Variants in RAD17 observed in about 807,000 individuals in gnomAD.
The protein encoded by RAD17 is RAD17 checkpoint clamp loader component.
RAD17 carries 31 observed loss-of-function variants against 81.5 expected under a neutral mutation model. The observed-to-expected ratio is 0.38, with a 90% CI of 0.29 to 0.51. RAD17 has a LOEUF of 0.51. Among genes scored for constraint, RAD17 ranks in the 20% least tolerant of loss-of-function variants. The pLI is 0.88. For missense variants in RAD17, 681 were observed against 781.2 expected (o/e 0.87, Z 1.53); for synonymous variants, 261 against 266.2 (o/e 0.98, Z 0.19).
intron 4 of RAD17, among the ~76,000 whole-genome samples, 180 bp downstream of exon 4, chr5:69,372,397 A>G (rs1009934095): frequency 2.6e-5 from 4 of 152,190 alleles, no homozygotes; most frequent in Non-Finnish European, 4.4e-5. Context: ...ATTTTCTTCA[A>G]GAGAGGAACA....
intron 17 of RAD17, 24 bp downstream of exon 17, chr5:69,400,193 C>CT: frequency 1.4e-6 from 2 of 1,385,636 alleles, no homozygotes; most frequent in Non-Finnish European, 1.9e-6. Context: ...TTTTTCTTTT[C>CT]TTTTAAGAAG....
intron 16 of RAD17, among the ~76,000 whole-genome samples, chr5:69,397,051 C>G (rs1402375243): frequency 2.6e-5 from 4 of 152,096 alleles, no homozygotes; most frequent in African/African-American, 4.8e-5. Flanking sequence ...CCAGGTTGGT[C>G]TCGATCTTTG....
At chr5:69,389,190 A>G in intron 12 of RAD17, 45 bp downstream of exon 12, 1 of 1,174,666 alleles carries the variant, frequency 8.5e-7, no homozygotes, top group Non-Finnish European at 1.2e-6. Context: ...TAGGTGACTG[A>G]CTTTCTCTTA....
At chr5:69,411,856 T>C (rs1311847411) in intron 18 of RAD17, among the ~76,000 whole-genome samples, 1 of 152,228 alleles carries the variant, frequency 6.6e-6, no homozygotes, top group Non-Finnish European at 1.5e-5. Context: ...CTGAGATGTA[T>C]TGAGTTGCTG....
At position 69,400,166 on chromosome 5, in the gene RAD17, CA is replaced by C; in HGVS notation, c.1692del (p.Ala565LeufsTer14). On this transcript the variant is annotated frameshift_variant and splice_region_variant, in exon 17 of 19. Transcript: ENST00000354868. LOFTEE classifies it high-confidence loss of function. ...TCTACTAACCATTCCAATGAGAAATCAAGGTAATAACATAGGTTTTTCTTTT... is the reference window on the plus strand; with the variant it reads ...TCTACTAACCATTCCAATGAGAAATCAGGTAATAACATAGGTTTTTCTTTT... ...LALLTIPMRNQAQISFIQDIG... is the reference protein window; with the variant it reads ...LALLTIPMRNXAQISFIQDIG... 1 of 1,529,248 alleles carries C rather than the reference CA, an allele frequency of 6.5e-7. No homozygotes were observed. Among genetic ancestry groups the C allele is most frequent in the African/African-American group, 1.4e-5 (1 of 72,388 alleles). 94.7% of individuals were successfully genotyped at this position (1,529,248 alleles called of 1,614,324 possible).
intron 6 of RAD17, among the ~76,000 whole-genome samples, chr5:69,378,905 A>G (rs1763676061): frequency 6.6e-6 from 1 of 152,186 alleles, no homozygotes; most frequent in Non-Finnish European, 1.5e-5. Flanking sequence ...CACAGTGGGA[A>G]CTATATGTGT....
intron 11 of RAD17, among the ~76,000 whole-genome samples, chr5:69,387,241 C>T (rs191662877): frequency 1.2e-4 from 18 of 152,024 alleles, no homozygotes; most frequent in East Asian, 5.8e-4. Context: ...ACTTTTAGTA[C>T]GTCATTTTTT....
chr5:69,392,910 T>C, intron 13 of RAD17: 1 of 491,132 alleles, frequency 2.0e-6, no homozygotes, highest in Non-Finnish European at 3.7e-6. Context: ...GGGAGTGCAT[T>C]AGGAAATGGA....
chr5:69,372,576 A>G (rs1763072812), intron 4 of RAD17, among the ~76,000 whole-genome samples: 1 of 151,962 alleles, frequency 6.6e-6, no homozygotes, highest in African/African-American at 2.4e-5. Flanking sequence ...CTAATTTCTA[A>G]TTATTTGTAA....
At chr5:69,369,685 A>G (rs1212313091), upstream of RAD17, 13 of 1,554,014 alleles carry the variant, frequency 8.4e-6, no homozygotes, top group East Asian at 7.3e-5. Context: ...TTTCCGTCGC[A>G]AAGTTGGAGG....
chr5:69,381,022 G>T (rs1366113440), intron 6 of RAD17, among the ~76,000 whole-genome samples: 1 of 151,880 alleles, frequency 6.6e-6, no homozygotes, highest in Non-Finnish European at 1.5e-5. Flanking sequence ...GTCTGCCTCA[G>T]CCTCCCAAAA....
chr5:69,369,421 C>A, upstream of RAD17: 1 of 1,602,376 alleles, frequency 6.2e-7, no homozygotes, highest in Non-Finnish European at 8.5e-7. Context: ...TCTGCGCCCC[C>A]AGCCTGCCCC....
At chr5:69,387,276 TA>T (rs532482634) in intron 11 of RAD17, among the ~76,000 whole-genome samples, 41 of 151,602 alleles carry the variant, frequency 2.7e-4, no homozygotes, top group Admixed American at 3.9e-4. Flanking sequence ...AAGATGATGT[TA>T]AAAAAAAATT....
chr5:69,391,690 C>T lies in RAD17; in HGVS notation c.1007-141C>T, dbSNP rs376734550. On this transcript the variant is annotated intron_variant, in intron 12 of 18. Coordinates refer to ENST00000354868, the MANE Select transcript of RAD17 (RefSeq NM_133338.3). Reference sequence around the variant, plus strand: ...TAGTAACCCAAAGAGGATTCCAACTCAGTTAATGTCATTTATAATTTTTGT... The same window carrying T: ...TAGTAACCCAAAGAGGATTCCAACTTAGTTAATGTCATTTATAATTTTTGT... The T allele has an allele frequency of 3.9e-5, 24 of 610,536 alleles. 1 individual carries two copies. In the South Asian group the frequency reaches 8.8e-4, roughly 22 times the overall value. 37.8% of individuals were successfully genotyped at this position (610,536 alleles called of 1,614,324 possible).
At chr5:69,404,675 A>G (rs1159683964) in intron 17 of RAD17, among the ~76,000 whole-genome samples, 1 of 151,956 alleles carries the variant, frequency 6.6e-6, no homozygotes, top group Non-Finnish European at 1.5e-5. Context: ...AGGCTAAGGC[A>G]GGAGAATTGC....
At chr5:69,402,352 T>C (rs1001258543) in intron 17 of RAD17, among the ~76,000 whole-genome samples, 2 of 151,774 alleles carry the variant, frequency 1.3e-5, no homozygotes, top group Non-Finnish European at 2.9e-5. Context: ...GCCCGGCCAC[T>C]GGTTTTTAAA....
intron 6 of RAD17, among the ~76,000 whole-genome samples, chr5:69,381,213 G>A (rs896848214): frequency 3.2e-4 from 49 of 152,128 alleles, no homozygotes; most frequent in African/African-American, 1.1e-3. Context: ...GGGAGCGGTG[G>A]CTCACATCTG....
intron 15 of RAD17, among the ~76,000 whole-genome samples, chr5:69,395,725 C>G (rs1764842398): frequency 6.6e-6 from 1 of 152,096 alleles, no homozygotes; most frequent in Non-Finnish European, 1.5e-5. Context: ...CAATGAATAG[C>G]TGCATATCCT....
intron 17 of RAD17, 129 bp from the exon 18 acceptor site, chr5:69,410,364 T>C (rs1371341894): frequency 1.9e-5 from 12 of 641,720 alleles, no homozygotes; most frequent in Non-Finnish European, 3.3e-5. Flanking sequence ...TGTGAATTGG[T>C]ATCTCACTAT....
Sources: allele counts gnomAD v4.1 joint callset (sites outside exome capture counted in the v4.1 genomes callset), GRCh38; gene constraint gnomAD v4.1.1; transcripts MANE v1.5; gene names NCBI Gene and HGNC (gene_info 2026-07-23, HGNC 2026-07-21).